Variants in GRIA4 observed in about 807,000 individuals in gnomAD.
GRIA4 encodes glutamate ionotropic receptor AMPA type subunit 4, also known as glutamate receptor 4.
In GRIA4, 34 loss-of-function variants were observed where a neutral mutation model predicts 104.0. The ratio of observed to expected loss-of-function variants is 0.33; its 90% confidence interval spans 0.25 to 0.44. GRIA4 has a LOEUF of 0.44. Among genes scored for constraint, GRIA4 ranks in the 20% least tolerant of loss-of-function variants. GRIA4 has a pLI of 1.00. For synonymous variants in GRIA4, 386 were observed against 381.9 expected (o/e 1.01, Z -0.13); for missense variants, 750 against 1,096.5 (o/e 0.68, Z 4.46).
At chr11:105,697,144 T>C (rs567388486) in intron 3 of GRIA4, among the ~76,000 whole-genome samples, 1 of 152,308 alleles carries the variant, frequency 6.6e-6, no homozygotes, top group East Asian at 1.9e-4. Context: ...TTATTTTCTA[T>C]TATAGAACAA....
At chr11:105,622,024 T>G (rs1950760156) in intron 3 of GRIA4, among the ~76,000 whole-genome samples, 1 of 151,888 alleles carries the variant, frequency 6.6e-6, no homozygotes, top group South Asian at 2.1e-4. Flanking sequence ...GTTTTCTTTC[T>G]CGGTTGTGAG....
rs1293515908 is a variant in GRIA4, at chr11:105,710,023, CTCAAT to C, written c.248-42954_248-42950del. On this transcript the variant is annotated intron_variant, in intron 3 of 16. Coordinates refer to ENST00000282499, the MANE Select transcript of GRIA4 (RefSeq NM_000829.4). Reference sequence around the variant, plus strand: ...GATAATTATCCACTAATTTAAGATTCTCAATTCATCAGTACTGCAATCCCAAGCAT... The same window carrying C: ...GATAATTATCCACTAATTTAAGATTCTCATCAGTACTGCAATCCCAAGCAT... 2.0e-5 allele frequency among the ~76,000 whole-genome samples: 3 copies of C among 152,104 alleles called. No individual in the cohort carries two copies. The East Asian group carries it at 5.8e-4, about 29-fold the overall frequency.
intron 14 of GRIA4, among the ~76,000 whole-genome samples, chr11:105,953,795 T>G (rs1357568614): frequency 6.6e-6 from 1 of 152,188 alleles, no homozygotes; most frequent in Non-Finnish European, 1.5e-5. Context: ...AATTGTATTT[T>G]TTAACTCCTA....
At chr11:105,877,830 A>G (rs964222318) in intron 5 of GRIA4, among the ~76,000 whole-genome samples, 1 of 152,126 alleles carries the variant, frequency 6.6e-6, no homozygotes, top group African/African-American at 2.4e-5. Context: ...CAAGGTTCTT[A>G]GCTTCCTTGC....
intron 2 of GRIA4, among the ~76,000 whole-genome samples, chr11:105,611,747 T>C (rs1376013696): frequency 2.0e-5 from 3 of 152,190 alleles, no homozygotes; most frequent in Non-Finnish European, 2.9e-5. Flanking sequence ...GACGCAGCTA[T>C]TGAATTTCTT....
chr11:105,650,244 G>T (rs902574131), intron 3 of GRIA4, among the ~76,000 whole-genome samples: 4 of 152,084 alleles, frequency 2.6e-5, no homozygotes, highest in African/African-American at 9.7e-5. Flanking sequence ...TTCTTTTGGG[G>T]TTCATCCAGT....
intron 3 of GRIA4, among the ~76,000 whole-genome samples, chr11:105,719,073 C>T (rs1954205616): frequency 6.6e-6 from 1 of 152,078 alleles, no homozygotes; most frequent in East Asian, 1.9e-4. Context: ...AAGGTGACTG[C>T]TGACATTTTA....
intron 4 of GRIA4, among the ~76,000 whole-genome samples, chr11:105,781,030 C>G (rs1941704434): frequency 6.6e-6 from 1 of 152,136 alleles, no homozygotes; most frequent in Non-Finnish European, 1.5e-5. Flanking sequence ...TAGACTGACT[C>G]AAGTTCGCAC....
intron 3 of GRIA4, among the ~76,000 whole-genome samples, chr11:105,643,127 C>G (rs1159270551): frequency 2.0e-5 from 3 of 152,070 alleles, no homozygotes; most frequent in Non-Finnish European, 4.4e-5. Context: ...TGAGTCCCTC[C>G]CATGACAAGT....
chr11:105,895,734 C>A (rs1299082477), intron 6 of GRIA4, among the ~76,000 whole-genome samples: 1 of 152,104 alleles, frequency 6.6e-6, no homozygotes, highest in Admixed American at 6.6e-5. Context: ...TTCCCAGCTT[C>A]TTCGCTCCAT....
intron 4 of GRIA4, among the ~76,000 whole-genome samples, chr11:105,754,221 G>A (rs1191535883): frequency 6.6e-6 from 1 of 152,026 alleles, no homozygotes; most frequent in Non-Finnish European, 1.5e-5. Context: ...GAAATTCCAG[G>A]GGGTTTAGTA....
chr11:105,763,794 T>C (rs115489423), intron 4 of GRIA4, among the ~76,000 whole-genome samples: 2 of 152,310 alleles, frequency 1.3e-5, no homozygotes, highest in African/African-American at 2.4e-5. Context: ...CTCTGGACCT[T>C]TTGTGTGCTT....
At chr11:105,615,831 G>C (rs1950585706) in intron 3 of GRIA4, among the ~76,000 whole-genome samples, 1 of 151,718 alleles carries the variant, frequency 6.6e-6, no homozygotes, top group African/African-American at 2.4e-5. Flanking sequence ...TGGAGGATGA[G>C]ATATGTTCAG....
chr11:105,759,350 A>G (rs1439692892), intron 4 of GRIA4, among the ~76,000 whole-genome samples: 1 of 152,210 alleles, frequency 6.6e-6, no homozygotes, highest in African/African-American at 2.4e-5. Flanking sequence ...AAATCAAAAT[A>G]TAAATTCGTG....
chr11:105,792,317 A>G (rs2135806996), intron 4 of GRIA4, among the ~76,000 whole-genome samples: 1 of 152,262 alleles, frequency 6.6e-6, no homozygotes, highest in East Asian at 1.9e-4. Context: ...GTCATTTGCA[A>G]AAGGGGTGGT....
At chr11:105,968,561 A>G (rs1006625189) in intron 14 of GRIA4, among the ~76,000 whole-genome samples, 3 of 152,202 alleles carry the variant, frequency 2.0e-5, no homozygotes, top group Non-Finnish European at 4.4e-5. Context: ...AAAGGTAAAA[A>G]ATTAACAACA....
chr11:105,767,652 T>C (rs538431083), intron 4 of GRIA4, among the ~76,000 whole-genome samples: 18 of 152,302 alleles, frequency 1.2e-4, no homozygotes, highest in Middle Eastern at 3.4e-3. Context: ...CTCATAATAA[T>C]AGCAAGCACT....
chr11:105,693,887 G>A (rs1042211323), intron 3 of GRIA4, among the ~76,000 whole-genome samples: 6 of 152,226 alleles, frequency 3.9e-5, no homozygotes, highest in Non-Finnish European at 8.8e-5. Flanking sequence ...AAAGACAGTT[G>A]AGTAGTTATG....
At chr11:105,805,750 T>A (rs999002959) in intron 4 of GRIA4, among the ~76,000 whole-genome samples, 1 of 151,898 alleles carries the variant, frequency 6.6e-6, no homozygotes, top group African/African-American at 2.4e-5. Context: ...TCCATTTTAG[T>A]AAGGATTTAT....
Sources: gnomAD v4.1 joint callset for allele counts (sites outside exome capture counted in the v4.1 genomes callset) on GRCh38, gnomAD v4.1.1 for gene constraint, MANE v1.5 for transcripts, NCBI Gene and HGNC (gene_info 2026-07-23, HGNC 2026-07-21) for gene names.